The following SLC25A13 variants were observed in gnomAD, a reference collection of about 807,000 sequenced individuals.
SLC25A13 encodes the protein electrogenic aspartate/glutamate antiporter SLC25A13, mitochondrial.
A neutral mutation model predicts 85.5 loss-of-function variants in SLC25A13; 70 were observed. The observed-to-expected ratio is 0.82, with a 90% CI of 0.68 to 1.00. The LOEUF (loss-of-function observed/expected upper bound fraction) is 1.00. SLC25A13 is among the 50% of genes least tolerant of loss of function. SLC25A13 has a pLI of 0.00. For synonymous variants in SLC25A13, 259 were observed against 288.7 expected (o/e 0.90, Z 1.04); for missense variants, 765 against 819.8 (o/e 0.93, Z 0.82).
intron 1 of SLC25A13, among the ~76,000 whole-genome samples, chr7:96,297,733 T>C (rs1001866355): frequency 5.3e-5 from 8 of 152,160 alleles, no homozygotes; most frequent in African/African-American, 1.7e-4. Flanking sequence ...CATGTATACC[T>C]CACTACCTGG....
At chr7:96,211,631 A>C (rs12155198) in intron 4 of SLC25A13, among the ~76,000 whole-genome samples, 88,047 of 152,072 alleles carry the variant, frequency 0.58, 26,074 homozygotes, top group Non-Finnish European at 0.63. Context: ...TGGCTGGCAC[A>C]GTGGTAGGCA....
intron 2 of SLC25A13, among the ~76,000 whole-genome samples, chr7:96,289,401 G>A (rs1403780001): frequency 6.6e-6 from 1 of 152,198 alleles, no homozygotes; most frequent in Non-Finnish European, 1.5e-5. Context: ...GAACAAAGCT[G>A]GACGGACAAT....
chr7:96,192,941 C>T (rs1428140132), intron 6 of SLC25A13, 96 bp downstream of exon 6: 5 of 1,359,512 alleles, frequency 3.7e-6, no homozygotes, highest in Non-Finnish European at 5.2e-6. Flanking sequence ...TTAGTGTTTG[C>T]AACAGAAAAA....
At chr7:96,203,013 T>C (rs1225602717) in intron 5 of SLC25A13, among the ~76,000 whole-genome samples, 2 of 152,158 alleles carry the variant, frequency 1.3e-5, no homozygotes, top group African/African-American at 2.4e-5. Flanking sequence ...ACCACAGTTG[T>C]TTGACTCTTG....
chr7:96,158,580 G>A (rs1793378999), intron 13 of SLC25A13, among the ~76,000 whole-genome samples: 1 of 152,178 alleles, frequency 6.6e-6, no homozygotes, highest in African/African-American at 2.4e-5. Context: ...GATTTAAAGT[G>A]CTTTTCACAA....
chr7:96,152,917 G>A (rs750082107), intron 13 of SLC25A13, among the ~76,000 whole-genome samples: 3 of 152,206 alleles, frequency 2.0e-5, no homozygotes, highest in South Asian at 2.1e-4. Flanking sequence ...GAATGAGAGA[G>A]CTGTGTAGTC....
At chr7:96,152,966 T>A (rs1793108214) in intron 13 of SLC25A13, among the ~76,000 whole-genome samples, 1 of 152,092 alleles carries the variant, frequency 6.6e-6, no homozygotes, top group Non-Finnish European at 1.5e-5. Flanking sequence ...ATGACAGTAG[T>A]TTATGAGAGC....
At chr7:96,246,847 A>C (rs1797210334) in intron 3 of SLC25A13, among the ~76,000 whole-genome samples, 1 of 151,986 alleles carries the variant, frequency 6.6e-6, no homozygotes, top group Non-Finnish European at 1.5e-5. Context: ...AGAATATCAC[A>C]AAAAAAAGCC....
intron 13 of SLC25A13, among the ~76,000 whole-genome samples, chr7:96,156,257 G>T (rs1158211840): frequency 6.6e-6 from 1 of 152,124 alleles, no homozygotes; most frequent in Non-Finnish European, 1.5e-5. Context: ...AGGCTACTTG[G>T]CAGTAAAATC....
At chr7:96,304,596 A>T (rs1423064366) in intron 1 of SLC25A13, among the ~76,000 whole-genome samples, 1 of 152,174 alleles carries the variant, frequency 6.6e-6, no homozygotes, top group Non-Finnish European at 1.5e-5. Flanking sequence ...TCTACCTGCT[A>T]GATGGGAGTA....
intron 2 of SLC25A13, among the ~76,000 whole-genome samples, chr7:96,293,654 A>G (rs931098548): frequency 1.3e-5 from 2 of 152,248 alleles, no homozygotes; most frequent in Non-Finnish European, 2.9e-5. Context: ...GAAGACATTT[A>G]TGCAGCCAAA....
intron 11 of SLC25A13, among the ~76,000 whole-genome samples, chr7:96,171,740 C>A (rs1307177449): frequency 6.6e-6 from 1 of 152,118 alleles, no homozygotes; most frequent in Non-Finnish European, 1.5e-5. Context: ...CATTCTGGAT[C>A]GTTTGCACAT....
chr7:96,130,333 C>A lies in SLC25A13; in HGVS notation c.1591+1410G>T, dbSNP rs575587466. ...TTTTGGAGTGATTTACAGACAGATT[C>A]TTTTGGATTCAATGTAATACTTGGC... On this transcript the variant is annotated intron_variant, in intron 15 of 17. Coordinates refer to ENST00000265631, the MANE Select transcript of SLC25A13 (RefSeq NM_014251.3). Among the ~76,000 whole-genome samples the A allele has an allele frequency of 3.9e-5, 6 of 152,338 alleles. No homozygotes were observed. The South Asian group carries it at 1.2e-3, about 32-fold the overall frequency.
chr7:96,137,307 C>T (rs1203359184), intron 14 of SLC25A13, among the ~76,000 whole-genome samples: 1 of 152,200 alleles, frequency 6.6e-6, no homozygotes, highest in African/African-American at 2.4e-5. Context: ...ATGGAAATTA[C>T]TTCAATTTGA....
At chr7:96,166,378 C>T (rs1045466393) in intron 13 of SLC25A13, among the ~76,000 whole-genome samples, 10 of 152,124 alleles carry the variant, frequency 6.6e-5, no homozygotes, top group Admixed American at 5.2e-4. Context: ...CTAAATATGG[C>T]TTTATAAGAC....
chr7:96,211,657 C>G (rs971658334), intron 4 of SLC25A13, among the ~76,000 whole-genome samples: 1 of 152,170 alleles, frequency 6.6e-6, no homozygotes, highest in Non-Finnish European at 1.5e-5. Flanking sequence ...CAACTGCTCA[C>G]TAAGTAGTTG....
intron 11 of SLC25A13, among the ~76,000 whole-genome samples, chr7:96,174,906 A>G (rs189386527): frequency 8.2e-4 from 125 of 152,340 alleles, no homozygotes; most frequent in Non-Finnish European, 1.0e-3. Context: ...TGTTCAGCAA[A>G]CATTTACCAA....
intron 4 of SLC25A13, among the ~76,000 whole-genome samples, chr7:96,214,333 C>T (rs1795807022): frequency 6.6e-6 from 1 of 151,986 alleles, no homozygotes; most frequent in African/African-American, 2.4e-5. Context: ...ATTATTAGAA[C>T]TAATAAATAA....
At chr7:96,234,644 A>C (rs1197042255) in intron 4 of SLC25A13, among the ~76,000 whole-genome samples, 158 bp downstream of exon 4, 1 of 152,176 alleles carries the variant, frequency 6.6e-6, no homozygotes, top group Non-Finnish European at 1.5e-5. Context: ...AGATGTTTGA[A>C]CTGGAGCTCC....
Sources: gnomAD v4.1 joint callset for allele counts (sites outside exome capture counted in the v4.1 genomes callset) on GRCh38, gnomAD v4.1.1 for gene constraint, MANE v1.5 for transcripts, NCBI Gene and HGNC (gene_info 2026-07-23, HGNC 2026-07-21) for gene names.